Variants in MADCAM1 observed in about 807,000 individuals in gnomAD.
The protein encoded by MADCAM1 is mucosal vascular addressin cell adhesion molecule 1.
In MADCAM1, 19 loss-of-function variants were observed where a neutral mutation model predicts 26.1. The ratio of observed to expected loss-of-function variants is 0.73; its 90% CI spans 0.51 to 1.07. The LOEUF (loss-of-function observed/expected upper bound fraction) is 1.07. Among genes scored for constraint, MADCAM1 ranks in the 50% least tolerant of loss-of-function variants. The pLI, the probability that MADCAM1 is intolerant of heterozygous loss-of-function variation, is 0.00. For missense variants in MADCAM1, 514 were observed against 542.1 expected, an observed-to-expected ratio of 0.95 and a Z score of 0.51; for synonymous variants, 268 against 260.9, an observed-to-expected ratio of 1.03 and a Z score of -0.26.
At chr19:500,516 G>A (rs1160397255) in intron 3 of MADCAM1, among the ~76,000 whole-genome samples, 4 of 152,014 alleles carry the variant, frequency 2.6e-5, no homozygotes, top group Non-Finnish European at 4.4e-5. Context: ...GATTACCTGA[G>A]GTCAGGAGTT....
chr19:501,200 A>AT (rs1978321864), intron 3 of MADCAM1, among the ~76,000 whole-genome samples: 1 of 150,170 alleles, frequency 6.7e-6, no homozygotes, highest in Admixed American at 6.6e-5. Flanking sequence ...AAAAAAAAAA[A>AT]CCAGGCCGGG....
At chr19:500,184 T>A in intron 3 of MADCAM1, 1 of 456,290 alleles carries the variant, frequency 2.2e-6, no homozygotes, top group Non-Finnish European at 4.4e-6. Context: ...CAGCCCATCA[T>A]AATAAACGCG....
intron 3 of MADCAM1, chr19:499,968 G>A: frequency 4.5e-6 from 2 of 448,416 alleles, no homozygotes; most frequent in South Asian, 3.1e-5. Context: ...AGCAGAAGCT[G>A]GGAGACCCGG....
intron 3 of MADCAM1, 170 bp downstream of exon 3, chr19:498,995 C>A (rs1258987505): frequency 1.9e-6 from 2 of 1,030,060 alleles, no homozygotes; most frequent in Non-Finnish European, 2.9e-6. Flanking sequence ...ATTTGCCGAG[C>A]ACCTGCCCCC....
intron 3 of MADCAM1, among the ~76,000 whole-genome samples, chr19:500,706 C>G (rs1428040204): frequency 6.6e-6 from 1 of 152,130 alleles, no homozygotes; most frequent in Non-Finnish European, 1.5e-5. Context: ...CCGTCCCCTA[C>G]TAAAAATACA....
intron 3 of MADCAM1, chr19:499,672 G>A (rs1437295024): frequency 2.6e-6 from 1 of 379,106 alleles, no homozygotes; most frequent in Non-Finnish European, 5.3e-6. Flanking sequence ...TCCCACTGTG[G>A]CTCCCCAGGT....
At position 498,348 on chromosome 19, in the gene MADCAM1, G is replaced by A. The variant is rs946461998; in HGVS notation, c.338-148G>A. On this transcript the variant is annotated intron_variant, in intron 2 of 4. Coordinates refer to ENST00000215637, the MANE Select transcript of MADCAM1 (RefSeq NM_130760.3). ...CAGCCTCCCAGGGTGGGGCCACGGG[G>A]CCTGCGCACAGGCCGTCCCTACTGC... 5.2e-6 allele frequency: 5 copies of A among 954,326 alleles called. No homozygotes were observed. The East Asian group carries it at 1.6e-4, about 31-fold the overall frequency. 59.1% of individuals were successfully genotyped at this position (954,326 alleles called of 1,614,324 possible). A position where few individuals can be genotyped will look rare whatever the true frequency, so the allele number is the denominator to read the frequency against.
intron 4 of MADCAM1, among the ~76,000 whole-genome samples, chr19:504,236 G>A (rs1011779607): frequency 2.4e-4 from 35 of 148,638 alleles, no homozygotes; most frequent in African/African-American, 6.2e-4. Flanking sequence ...GTGGTGAGCC[G>A]TCCTCTCTCC....
intron 1 of MADCAM1, 88 bp downstream of exon 1, chr19:496,639 C>T: frequency 3.0e-6 from 2 of 670,850 alleles, no homozygotes; most frequent in South Asian, 7.7e-5. Flanking sequence ...GGAGGGGGCT[C>T]AGGAGAGAGG....
At position 505,030 on chromosome 19, in the gene MADCAM1, G is replaced by A. The variant is rs192760680; in HGVS notation, c.*65G>A. ...ACCCCTTCAAGTTGAGAACTGGTCA[G>A]GGCAAACCTGCCTCCCATTCTACTC... On this transcript the variant is annotated 3_prime_UTR_variant, in exon 5 of 5. Coordinates refer to ENST00000215637, the MANE Select transcript of MADCAM1 (RefSeq NM_130760.3). 8.4e-7 allele frequency: 1 copy of A among 1,190,276 alleles called. No homozygotes were observed. The highest frequency in any genetic ancestry group is 1.5e-5 in the African/African-American group (1 of 65,272). The allele number at this position is 1,190,276 out of a possible 1,614,324, so 73.7% of individuals were successfully genotyped here.
At position 497,881 on chromosome 19, in the gene MADCAM1, T is replaced by C. The variant is rs1382291506; in HGVS notation, c.101T>C (p.Val34Ala). 2 of 1,352,614 alleles carry C rather than the reference T, an allele frequency of 1.5e-6. No individual in the cohort carries two copies. The highest frequency in any genetic ancestry group is 1.9e-6 in the Non-Finnish European group (2 of 1,060,316). 83.8% of individuals were successfully genotyped at this position (1,352,614 alleles called of 1,614,324 possible). A position where few individuals can be genotyped will look rare whatever the true frequency, so the allele number is the denominator to read the frequency against. The change falls in exon 2 of 5, where the codon GTG becomes GCG. Residue 34 changes from valine (V) to alanine (A), a missense_variant. By Grantham distance (64) the Val-to-Ala change is moderately conservative. Around this residue, in one of 3 missense-constraint regions of MADCAM1, gnomAD observed 317 missense variants for 313.6 expected, o/e 1.01. Coordinates refer to ENST00000215637, the MANE Select transcript of MADCAM1 (RefSeq NM_130760.3). The part of the protein sequence containing the change: ...KPLQVEPPEP[V>A]VAVALGASRQ... Reference sequence around the variant, plus strand: ...CTGCAGGTGGAGCCCCCGGAGCCGGTGGTGGCCGTGGCCTTGGGCGCCTCG... The same window carrying C: ...CTGCAGGTGGAGCCCCCGGAGCCGGCGGTGGCCGTGGCCTTGGGCGCCTCG...
intron 3 of MADCAM1, 114 bp from the exon 4 acceptor site, chr19:501,555 G>A (rs1035505055): frequency 9.3e-6 from 9 of 965,166 alleles, no homozygotes; most frequent in Non-Finnish European, 1.3e-5. Context: ...GTGGTCCAGG[G>A]AAGGGGCTTG....
At chr19:504,255 C>CTT (rs141972615) in intron 4 of MADCAM1, among the ~76,000 whole-genome samples, 40 of 88,148 alleles carry the variant, frequency 4.5e-4, no homozygotes, top group Non-Finnish European at 7.5e-4. Context: ...CCGGTCTGCC[C>CTT]TTTTTTTTTT....
At chr19:499,225 CG>C (rs917687991) in intron 3 of MADCAM1, 8 of 477,524 alleles carry the variant, frequency 1.7e-5, no homozygotes, top group African/African-American at 1.6e-4. Context: ...GATCCTGCCC[CG>C]GGGCCTTTGC....
intron 3 of MADCAM1, chr19:499,425 GAC>G (rs34283757): frequency 4.6e-5 from 21 of 452,084 alleles, no homozygotes; most frequent in Middle Eastern, 6.5e-4. Context: ...TACAAACACA[GAC>G]ACACACACGC....
intron 3 of MADCAM1, 74 bp downstream of exon 3, chr19:498,899 GT>G: frequency 2.3e-6 from 1 of 437,026 alleles, no homozygotes. Flanking sequence ...GGGTGGGGGG[GT>G]GGGGGGGCAG....
intron 3 of MADCAM1, among the ~76,000 whole-genome samples, chr19:499,481 C>A (rs1978307284): frequency 6.6e-6 from 1 of 152,244 alleles, no homozygotes; most frequent in Non-Finnish European, 1.5e-5. Flanking sequence ...AACAGGCACA[C>A]AAGCACACAC....
intron 3 of MADCAM1, among the ~76,000 whole-genome samples, chr19:500,415 A>C (rs1978315441): frequency 6.6e-6 from 1 of 152,152 alleles, no homozygotes; most frequent in African/African-American, 2.4e-5. Context: ...AATTTCAGGG[A>C]CCATGTGGAT....
rs1978295163 is a variant in MADCAM1 at position 498,126 on chromosome 19, T to C, written c.337+9T>C. 3.8e-6 allele frequency: 5 copies of C among 1,313,572 alleles called. No individual in the cohort carries two copies. The highest frequency in any genetic ancestry group is 3.9e-5 in the Admixed American group (1 of 25,580). The allele number at this position is 1,313,572 out of a possible 1,614,324, so 81.4% of individuals were successfully genotyped here. On this transcript the variant is annotated intron_variant, in intron 2 of 4. Transcript: ENST00000215637. The stretch of plus-strand genomic sequence containing the variant: ...GCAGCTCCTTGTGTACGGTGAGGCG[T>C]CCCCCCGCGCCCTGCCTCTCTGACC...
Sources: gnomAD v4.1 joint callset for allele counts (sites outside exome capture counted in the v4.1 genomes callset) on GRCh38, gnomAD v4.1.1 for gene constraint, gnomAD v4.1.1 regional missense constraint, MANE v1.5 for transcripts, NCBI Gene and HGNC (gene_info 2026-07-23, HGNC 2026-07-21) for gene names.